Variants in GPC5 observed in about 807,000 individuals in gnomAD.
GPC5 encodes the protein glypican-5.
GPC5 carries 47 observed loss-of-function variants against 53.9 expected under a neutral mutation model. That is an observed-to-expected ratio of 0.87 (90% CI 0.69 to 1.11). The LOEUF is 1.11. Among genes scored for constraint, GPC5 ranks in the 50% most tolerant of loss-of-function variants. The pLI is 0.00. For missense variants in GPC5, 748 were observed against 713.1 expected (o/e 1.05, Z -0.56); for synonymous variants, 286 against 263.3 (o/e 1.09, Z -0.84).
intron 7 of GPC5, among the ~76,000 whole-genome samples, chr13:92,602,233 C>CATATATATATATATATATATATAT (rs149450440): frequency 3.3e-5 from 4 of 119,486 alleles, no homozygotes; most frequent in Admixed American, 1.8e-4. Context: ...ATATATATAA[C>CATATATATATATATATATATATAT]ATATATATAT....
At chr13:91,676,408 T>C (rs1274565136) in intron 2 of GPC5, among the ~76,000 whole-genome samples, 2 of 152,088 alleles carry the variant, frequency 1.3e-5, no homozygotes, top group African/African-American at 4.8e-5. Flanking sequence ...TGCTAGGTCA[T>C]GTCTAGTACA....
rs181132351 is a variant in GPC5, at chr13:92,417,214, C to G, written c.1561+272225C>G. Among the ~76,000 whole-genome samples the G allele has an allele frequency of 3.6e-3, 553 of 152,210 alleles. 4 individuals are homozygous for G. Among genetic ancestry groups the G allele is most frequent in the African/African-American group, 0.013 (520 of 41,540 alleles). ...TGAATTTTTTCCAAAAAATTTTTTC[C>G]AAAAAATCATACTCAGATGACCAAT... On this transcript the variant is annotated intron_variant, in intron 7 of 7. Coordinates refer to ENST00000377067, the MANE Select transcript of GPC5 (RefSeq NM_004466.6).
intron 6 of GPC5, among the ~76,000 whole-genome samples, chr13:92,075,932 T>G (rs1464005406): frequency 6.6e-6 from 1 of 152,222 alleles, no homozygotes; most frequent in Non-Finnish European, 1.5e-5. Flanking sequence ...TTTATTATTC[T>G]TGAAGGGAAA....
intron 5 of GPC5, among the ~76,000 whole-genome samples, chr13:91,887,323 C>T (rs1566323546): frequency 6.6e-6 from 1 of 152,158 alleles, no homozygotes; most frequent in South Asian, 2.1e-4. Flanking sequence ...ACAGCAGGGG[C>T]ACCTGCACCT....
chr13:92,665,330 C>G (rs188781861), intron 7 of GPC5, among the ~76,000 whole-genome samples: 1 of 152,196 alleles, frequency 6.6e-6, no homozygotes, highest in Admixed American at 6.5e-5. Context: ...TCCTTATGGT[C>G]AAAACTCTAA....
At chr13:92,794,717 A>C (rs1876593983) in intron 7 of GPC5, among the ~76,000 whole-genome samples, 2 of 152,186 alleles carry the variant, frequency 1.3e-5, no homozygotes, top group African/African-American at 4.8e-5. Flanking sequence ...TGCAAAAATC[A>C]CAAGCATTCC....
chr13:91,957,605 C>A (rs1339815431), intron 6 of GPC5, among the ~76,000 whole-genome samples: 1 of 152,128 alleles, frequency 6.6e-6, no homozygotes, highest in Non-Finnish European at 1.5e-5. Context: ...CAGCAGATTT[C>A]TCAGCAGAAA....
intron 5 of GPC5, among the ~76,000 whole-genome samples, chr13:91,780,662 A>G (rs1237342693): frequency 3.9e-5 from 6 of 152,210 alleles, no homozygotes; most frequent in African/African-American, 1.2e-4. Context: ...GGATGTTTCT[A>G]GTAAAGTTCA....
At chr13:92,286,172 A>G (rs184451837) in intron 7 of GPC5, among the ~76,000 whole-genome samples, 69 of 152,348 alleles carry the variant, frequency 4.5e-4, no homozygotes, top group Admixed American at 1.2e-3. Flanking sequence ...AATGCAAATC[A>G]AAACCACAAT....
chr13:92,480,036 C>T (rs1292551250), intron 7 of GPC5, among the ~76,000 whole-genome samples: 1 of 152,038 alleles, frequency 6.6e-6, no homozygotes, highest in Admixed American at 6.6e-5. Context: ...ACTGTAATCC[C>T]AGTGCTTTAG....
chr13:92,342,352 C>T (rs989109233), intron 7 of GPC5, among the ~76,000 whole-genome samples: 2 of 152,098 alleles, frequency 1.3e-5, no homozygotes, highest in Non-Finnish European at 2.9e-5. Context: ...ACAATGTCTG[C>T]TACGGTCTAA....
chr13:91,447,931 C>G (rs1372322682), intron 1 of GPC5, among the ~76,000 whole-genome samples: 1 of 152,078 alleles, frequency 6.6e-6, no homozygotes, highest in Non-Finnish European at 1.5e-5. Context: ...CCTCTTTGGG[C>G]ACTAACTCTT....
intron 7 of GPC5, among the ~76,000 whole-genome samples, chr13:92,606,489 TG>T: frequency 6.6e-6 from 1 of 152,212 alleles, no homozygotes. Flanking sequence ...GTCTATCATT[TG>T]TGGACATTTG....
intron 6 of GPC5, among the ~76,000 whole-genome samples, chr13:91,943,482 G>A (rs556281020): frequency 6.6e-5 from 10 of 152,188 alleles, no homozygotes; most frequent in African/African-American, 2.4e-4. Flanking sequence ...CTTTGTATAA[G>A]ATGGAATTGA....
At chr13:92,479,884 G>T (rs530339512) in intron 7 of GPC5, among the ~76,000 whole-genome samples, 1 of 152,120 alleles carries the variant, frequency 6.6e-6, no homozygotes, top group Non-Finnish European at 1.5e-5. Flanking sequence ...GATAACTTGC[G>T]ATGTAAAATG....
chr13:91,647,282 T>C (rs900385695), intron 2 of GPC5, among the ~76,000 whole-genome samples: 1 of 152,216 alleles, frequency 6.6e-6, no homozygotes, highest in Non-Finnish European at 1.5e-5. Flanking sequence ...TGAAGTTCTA[T>C]AGGTTAGCAC....
At chr13:92,802,364 C>T (rs543587866) in intron 7 of GPC5, among the ~76,000 whole-genome samples, 1 of 151,922 alleles carries the variant, frequency 6.6e-6, no homozygotes, top group South Asian at 2.1e-4. Flanking sequence ...CTATTCCCAC[C>T]ACTAAGCAAT....
intron 6 of GPC5, among the ~76,000 whole-genome samples, chr13:92,041,850 C>T (rs546783425): frequency 7.9e-5 from 12 of 152,236 alleles, no homozygotes; most frequent in Admixed American, 3.3e-4. Context: ...TGTACAAAAG[C>T]CTTCTGTCCT....
intron 7 of GPC5, among the ~76,000 whole-genome samples, chr13:92,334,403 G>GAC (rs1260505213): frequency 6.6e-5 from 10 of 152,128 alleles, no homozygotes; most frequent in African/African-American, 2.4e-4. Flanking sequence ...TCCCTCCCAT[G>GAC]ACACATGGGG....
Sources: allele counts gnomAD v4.1 joint callset (sites outside exome capture counted in the v4.1 genomes callset), GRCh38; gene constraint gnomAD v4.1.1; transcripts MANE v1.5; gene names NCBI Gene and HGNC (gene_info 2026-07-23, HGNC 2026-07-21).